LBH: variants seen among roughly 807,000 people sequenced by gnomAD.
The protein encoded by LBH is LBH regulator of Wnt signaling pathway.
In LBH, 7 loss-of-function variants were observed where a neutral mutation model predicts 12.5. The observed-to-expected ratio is 0.56, with a 90% CI of 0.32 to 1.05. LBH has a LOEUF of 1.05. Among genes scored for constraint, LBH ranks in the 50% least tolerant of loss-of-function variants. The pLI, the probability that LBH is intolerant of heterozygous loss-of-function variation, is 0.04. For synonymous variants in LBH, 51 were observed against 50.1 expected, an observed-to-expected ratio of 1.02 and a Z score of -0.08; for missense variants, 119 against 138.9, an observed-to-expected ratio of 0.86 and a Z score of 0.72.
chr2:30,237,931 G>T (rs1290843518), intron 2 of LBH, among the ~76,000 whole-genome samples: 1 of 152,170 alleles, frequency 6.6e-6, no homozygotes, highest in African/African-American at 2.4e-5. Context: ...GCTGAGTGGG[G>T]AGGGTCTCCA....
At chr2:30,243,525 C>CTTTTTTTT (rs886828942) in intron 2 of LBH, among the ~76,000 whole-genome samples, 3 of 110,148 alleles carry the variant, frequency 2.7e-5, no homozygotes, top group East Asian at 2.6e-4. Flanking sequence ...GGGCTGGACT[C>CTTTTTTTT]TTTTTTTTTT....
rs1677587149 is a variant in LBH, at chr2:30,231,687, C to G, written c.-52C>G. ...GCCCGTGTCATCCTCACTCGGGACG[C>G]AGGGACCGTTTTTAAATCACAGGGG... On this transcript the variant is annotated 5_prime_UTR_variant, in exon 1 of 3. Coordinates refer to ENST00000395323, the MANE Select transcript of LBH (RefSeq NM_030915.4). The G allele has an allele frequency of 6.4e-7, 1 of 1,566,348 alleles. No homozygotes were observed. Among genetic ancestry groups the G allele is most frequent in the Non-Finnish European group, 8.7e-7 (1 of 1,146,542 alleles).
chr2:30,255,643 T>A (rs532201341), intron 2 of LBH, among the ~76,000 whole-genome samples: 1 of 152,178 alleles, frequency 6.6e-6, no homozygotes, highest in African/African-American at 2.4e-5. Flanking sequence ...TGGCCTGTGA[T>A]GTGGTGAGAG....
chr2:30,241,302 T>C (rs776392916), intron 2 of LBH, among the ~76,000 whole-genome samples: 25 of 152,198 alleles, frequency 1.6e-4, no homozygotes, highest in Non-Finnish European at 3.1e-4. Flanking sequence ...TTTAGATTAG[T>C]GTTTTAATTA....
In LBH at chr2:30,231,620, G is replaced by A; in HGVS notation, c.-119G>A. The A allele has an allele frequency of 2.0e-6, 2 of 980,480 alleles. No individual in the cohort carries two copies. Among genetic ancestry groups the A allele is most frequent in the South Asian group, 1.3e-5 (1 of 74,076 alleles). The allele number at this position is 980,480 out of a possible 1,614,324, so 60.7% of individuals were successfully genotyped here. On this transcript the variant is annotated 5_prime_UTR_variant, in exon 1 of 3. Transcript: ENST00000395323. ...GCTGTCCTGGGAAGGCGGACGGCGAGCGCCCGGTGTCCGCACTCGGCCGCC... is the reference window on the plus strand; with the variant it reads ...GCTGTCCTGGGAAGGCGGACGGCGAACGCCCGGTGTCCGCACTCGGCCGCC...
intron 2 of LBH, among the ~76,000 whole-genome samples, chr2:30,250,282 C>T (rs1420215070): frequency 6.6e-6 from 1 of 152,026 alleles, no homozygotes; most frequent in Non-Finnish European, 1.5e-5. Context: ...CCCTCTCCAC[C>T]CCCGGCCTTC....
chr2:30,250,602 G>T (rs1677962085), intron 2 of LBH, among the ~76,000 whole-genome samples: 1 of 151,664 alleles, frequency 6.6e-6, no homozygotes, highest in South Asian at 2.1e-4. Flanking sequence ...CACCCCAGGG[G>T]CAGCCAGGTT....
At chr2:30,245,961 T>C (rs79084345) in intron 2 of LBH, among the ~76,000 whole-genome samples, 1 of 83,604 alleles carries the variant, frequency 1.2e-5, no homozygotes, top group Non-Finnish European at 2.4e-5. Flanking sequence ...TTACATAGTC[T>C]TTTTTTTTTT....
chr2:30,252,656 C>T (rs1228771309), intron 2 of LBH, among the ~76,000 whole-genome samples: 8 of 149,924 alleles, frequency 5.3e-5, no homozygotes, highest in Non-Finnish European at 8.9e-5. Flanking sequence ...AGCGAGACTC[C>T]GTCTCAAAAA....
intron 2 of LBH, among the ~76,000 whole-genome samples, chr2:30,255,905 C>A (rs1248599570): frequency 6.6e-6 from 1 of 152,192 alleles, no homozygotes; most frequent in Non-Finnish European, 1.5e-5. Context: ...CTTTCTTGTG[C>A]CATGAACAAG....
At chr2:30,242,957 T>A (rs1677814209) in intron 2 of LBH, among the ~76,000 whole-genome samples, 1 of 152,194 alleles carries the variant, frequency 6.6e-6, no homozygotes, top group East Asian at 1.9e-4. Context: ...GCCTTCTGAT[T>A]ATATGTTACC....
At chr2:30,250,637 C>G (rs545515010) in intron 2 of LBH, among the ~76,000 whole-genome samples, 1 of 151,948 alleles carries the variant, frequency 6.6e-6, no homozygotes, top group African/African-American at 2.4e-5. Flanking sequence ...TGGAGGCAGA[C>G]AGTTGATAGC....
At chr2:30,254,417 G>A (rs552165360) in intron 2 of LBH, among the ~76,000 whole-genome samples, 281 of 152,310 alleles carry the variant, frequency 1.8e-3, no homozygotes, top group African/African-American at 6.6e-3. Context: ...AAGCAAAACT[G>A]TGGATAAGTT....
intron 2 of LBH, among the ~76,000 whole-genome samples, chr2:30,238,145 G>A (rs13415246): frequency 1.3e-5 from 2 of 152,266 alleles, no homozygotes; most frequent in East Asian, 1.9e-4. Context: ...TGCTGTGCCC[G>A]ACTTGGCCTG....
Position 30,231,737 on chromosome 2 carries a change from T to A in LBH, c.-2T>A, listed in dbSNP as rs756198007. On this transcript the variant is annotated 5_prime_UTR_variant, in exon 1 of 3. Transcript: ENST00000395323. Reference sequence around the variant, plus strand: ...GCGTGTGTCAGCCTGCCCTAGGACTTCATGTCTATATATTTCCCCATTCAC... The same window carrying A: ...GCGTGTGTCAGCCTGCCCTAGGACTACATGTCTATATATTTCCCCATTCAC... The A allele has an allele frequency of 6.3e-6, 10 of 1,587,472 alleles. No homozygotes were observed. The highest frequency in any genetic ancestry group is 8.6e-7 in the Non-Finnish European group (1 of 1,167,518).
Position 30,232,275 on chromosome 2 carries a change from C to G in LBH, c.26+511C>G, listed in dbSNP as rs1339063033. 4.2e-5 allele frequency: 62 copies of G among 1,493,470 alleles called. No individual in the cohort carries two copies. The South Asian group carries it at 6.3e-4, about 15-fold the overall frequency. The allele number at this position is 1,493,470 out of a possible 1,614,324, so 92.5% of individuals were successfully genotyped here. ...GGAAACGCTCTCCCCACACGTAACC[C>G]CACTAAAGCCACAAGCAGCAGGGCA... On this transcript the variant is annotated intron_variant, in intron 1 of 2. Coordinates refer to ENST00000395323, the MANE Select transcript of LBH (RefSeq NM_030915.4).
intron 2 of LBH, among the ~76,000 whole-genome samples, chr2:30,246,480 A>G (rs768904364): frequency 8.5e-5 from 13 of 152,260 alleles, no homozygotes; most frequent in Non-Finnish European, 1.6e-4. Flanking sequence ...AAACTGTTAC[A>G]TGTTAATGTA....
chr2:30,253,147 C>T (rs892501631), intron 2 of LBH, among the ~76,000 whole-genome samples: 13 of 152,262 alleles, frequency 8.5e-5, no homozygotes, highest in African/African-American at 3.1e-4. Context: ...TCCTTTTTTC[C>T]ACTGCCTACC....
chr2:30,231,705 C>A lies in LBH; in HGVS notation c.-34C>A. ...CGGGACGCAGGGACCGTTTTTAAAT[C>A]ACAGGGGCGTGTGTCAGCCTGCCCT... On this transcript the variant is annotated 5_prime_UTR_variant, in exon 1 of 3. Coordinates refer to ENST00000395323, the MANE Select transcript of LBH (RefSeq NM_030915.4). 1 of 1,587,650 alleles carries A rather than the reference C, an allele frequency of 6.3e-7. No homozygotes were observed.
Sources: allele counts gnomAD v4.1 joint callset (sites outside exome capture counted in the v4.1 genomes callset), GRCh38; gene constraint gnomAD v4.1.1; transcripts MANE v1.5; gene names NCBI Gene and HGNC (gene_info 2026-07-23, HGNC 2026-07-21).